The following OSBPL6 variants were observed in gnomAD, a reference collection of about 807,000 sequenced individuals.
OSBPL6 encodes oxysterol binding protein like 6.
Under a neutral mutation model 125.8 loss-of-function variants are expected in OSBPL6, and 49 were observed. The ratio of observed to expected loss-of-function variants is 0.39; its 90% CI spans 0.31 to 0.49. The LOEUF (loss-of-function observed/expected upper bound fraction) is 0.49, where lower values mean the gene tolerates loss of function less well. Ranked by LOEUF, OSBPL6 falls within the 20% of genes least tolerant of loss-of-function variation. The pLI, the probability that OSBPL6 is intolerant of heterozygous loss-of-function variation, is 0.88. For missense variants in OSBPL6, 986 were observed against 1,135.4 expected (o/e 0.87, Z 1.89); for synonymous variants, 394 against 391.8 (o/e 1.01, Z -0.07).
chr2:178,265,823 T>C (rs1388197585), intron 1 of OSBPL6, among the ~76,000 whole-genome samples: 2 of 152,194 alleles, frequency 1.3e-5, no homozygotes, highest in African/African-American at 4.8e-5. Context: ...CCTCCCCACT[T>C]TGTTCTACAG....
chr2:178,321,605 A>G (rs2154071073), intron 3 of OSBPL6, among the ~76,000 whole-genome samples: 1 of 152,282 alleles, frequency 6.6e-6, no homozygotes, highest in Admixed American at 6.5e-5. Flanking sequence ...GAGTTTCTAC[A>G]AGAGCTGTTG....
At chr2:178,291,610 A>T (rs1460537845) in intron 2 of OSBPL6, among the ~76,000 whole-genome samples, 1 of 151,906 alleles carries the variant, frequency 6.6e-6, no homozygotes, top group African/African-American at 2.4e-5. Flanking sequence ...ACATTTTGTT[A>T]TATCTGACCC....
intron 6 of OSBPL6, among the ~76,000 whole-genome samples, chr2:178,332,206 G>A (rs1415597264): frequency 6.6e-6 from 1 of 152,200 alleles, no homozygotes; most frequent in Non-Finnish European, 1.5e-5. Flanking sequence ...AGAAGGAAGA[G>A]CTGGCTGCTC....
At chr2:178,386,053 T>G (rs1260294365) in intron 19 of OSBPL6, among the ~76,000 whole-genome samples, 1 of 152,230 alleles carries the variant, frequency 6.6e-6, no homozygotes, top group Non-Finnish European at 1.5e-5. Flanking sequence ...GTTTCTAAAC[T>G]CCTTTACAAA....
intron 13 of OSBPL6, among the ~76,000 whole-genome samples, chr2:178,369,974 G>A (rs890980040): frequency 4.3e-4 from 65 of 152,232 alleles, no homozygotes; most frequent in African/African-American, 1.5e-3. Context: ...GGTCAAGACT[G>A]TGATTCTGGG....
chr2:178,298,727 T>C (rs922221216), intron 2 of OSBPL6, among the ~76,000 whole-genome samples: 2 of 149,588 alleles, frequency 1.3e-5, no homozygotes, highest in African/African-American at 5.0e-5. Context: ...TTTGCCGTAC[T>C]GTTCTCCACA....
chr2:178,216,907 T>C (rs138871172), intron 1 of OSBPL6, among the ~76,000 whole-genome samples: 1 of 152,280 alleles, frequency 6.6e-6, no homozygotes, highest in African/African-American at 2.4e-5. Context: ...ACCGAGAAAC[T>C]ACTCCACACT....
At position 178,391,137 on chromosome 2, in the gene OSBPL6, C is replaced by T. The variant is rs1695368528; in HGVS notation, c.2366C>T (p.Ala789Val). Residue 789 changes from alanine (A) to valine (V), a missense_variant, in exon 22 of 25, where the codon GCG becomes GTG. By Grantham distance (64) the Ala-to-Val change is moderately conservative. This residue lies in a region of OSBPL6 where 843 missense variants were observed against 997.3 expected (regional missense o/e 0.85). Coordinates refer to ENST00000190611, the MANE Select transcript of OSBPL6 (RefSeq NM_032523.4). The part of the protein sequence containing the change: ...QGVVIDQEGK[A>V]VYRLFGKWHE... Reference sequence around the variant, plus strand: ...GTGGTGATAGATCAGGAGGGGAAGGCGGTGTACCGGCTGTTTGGAAAGTGG... The same window carrying T: ...GTGGTGATAGATCAGGAGGGGAAGGTGGTGTACCGGCTGTTTGGAAAGTGG... 9 of 1,613,674 alleles carry T rather than the reference C, an allele frequency of 5.6e-6. No homozygotes were observed. Among genetic ancestry groups the T allele is most frequent in the East Asian group, 2.2e-5 (1 of 44,870 alleles).
intron 1 of OSBPL6, among the ~76,000 whole-genome samples, chr2:178,213,049 C>T (rs1177779774): frequency 1.3e-5 from 2 of 152,240 alleles, no homozygotes; most frequent in East Asian, 1.9e-4. Flanking sequence ...CCTCGTGATC[C>T]GCCTGCCTCG....
chr2:178,225,531 G>A (rs897184206), intron 1 of OSBPL6, among the ~76,000 whole-genome samples: 31 of 152,196 alleles, frequency 2.0e-4, no homozygotes, highest in African/African-American at 6.3e-4. Context: ...ACAGAAAACC[G>A]TGGTGTCAGT....
intron 3 of OSBPL6, among the ~76,000 whole-genome samples, chr2:178,314,657 T>G (rs1035457417): frequency 1.3e-5 from 2 of 152,170 alleles, no homozygotes. Context: ...TAGGCAAAGT[T>G]TATGAACAAA....
chr2:178,379,654 T>G (rs1694282680), intron 15 of OSBPL6, among the ~76,000 whole-genome samples: 1 of 152,196 alleles, frequency 6.6e-6, no homozygotes, highest in Non-Finnish European at 1.5e-5. Context: ...ATGATTAGAT[T>G]TTTTTCAGAG....
At chr2:178,248,614 G>C (rs532017633) in intron 1 of OSBPL6, among the ~76,000 whole-genome samples, 8 of 152,188 alleles carry the variant, frequency 5.3e-5, no homozygotes, top group African/African-American at 1.9e-4. Context: ...ATGCAAAAGT[G>C]TCTGGTTCCT....
chr2:178,245,535 A>G (rs1262204200), intron 1 of OSBPL6, among the ~76,000 whole-genome samples: 1 of 152,188 alleles, frequency 6.6e-6, no homozygotes, highest in East Asian at 1.9e-4. Context: ...AAACAATCTG[A>G]GTACAAAATA....
At chr2:178,245,833 C>A (rs573066447) in intron 1 of OSBPL6, among the ~76,000 whole-genome samples, 11 of 152,288 alleles carry the variant, frequency 7.2e-5, no homozygotes, top group African/African-American at 2.6e-4. Flanking sequence ...GCAGAACTGG[C>A]ATGCAGAGCC....
chr2:178,278,148 G>T (rs1038242387), intron 1 of OSBPL6, among the ~76,000 whole-genome samples: 2 of 152,086 alleles, frequency 1.3e-5, no homozygotes, highest in African/African-American at 4.8e-5. Flanking sequence ...TTTTCTGCCT[G>T]ATCTACTCAT....
chr2:178,312,106 A>G (rs1467405412), intron 3 of OSBPL6, among the ~76,000 whole-genome samples: 1 of 147,464 alleles, frequency 6.8e-6, no homozygotes, highest in African/African-American at 2.5e-5. Context: ...CTCAGCCTCC[A>G]GAGTAGCTGG....
At chr2:178,365,259 G>A (rs1395790036) in intron 13 of OSBPL6, among the ~76,000 whole-genome samples, 2 of 152,300 alleles carry the variant, frequency 1.3e-5, no homozygotes, top group South Asian at 2.1e-4. Flanking sequence ...CCTATTTGAT[G>A]TATGTCTAAT....
At chr2:178,206,829 G>T (rs563944178) in intron 1 of OSBPL6, among the ~76,000 whole-genome samples, 30 of 152,264 alleles carry the variant, frequency 2.0e-4, no homozygotes, top group Non-Finnish European at 3.4e-4. Context: ...TGGTCAGGCT[G>T]GTCTTGAACT....
Sources: gnomAD v4.1 joint callset for allele counts (sites outside exome capture counted in the v4.1 genomes callset) on GRCh38, gnomAD v4.1.1 for gene constraint, gnomAD v4.1.1 regional missense constraint, MANE v1.5 for transcripts, NCBI Gene and HGNC (gene_info 2026-07-23, HGNC 2026-07-21) for gene names.